The following CCDC178 variants were observed in gnomAD, a reference collection of about 807,000 sequenced individuals.
The protein encoded by CCDC178 is coiled-coil domain containing 178, also known as coiled-coil domain-containing protein 178.
Under a neutral mutation model 117.4 loss-of-function variants are expected in CCDC178, and 126 were observed. The observed-to-expected ratio is 1.07, with a 90% CI of 0.93 to 1.24. The LOEUF (loss-of-function observed/expected upper bound fraction) is 1.24, where lower values mean the gene tolerates loss of function less well. Ranked by LOEUF, CCDC178 falls within the 50% of genes most tolerant of loss-of-function variation. CCDC178 has a pLI of 0.00. For synonymous variants in CCDC178, 283 were observed against 313.4 expected, an observed-to-expected ratio of 0.90 and a Z score of 1.02; for missense variants, 1,030 against 986.9, an observed-to-expected ratio of 1.04 and a Z score of -0.59.
chr18:33,000,549 A>C (rs976561750), intron 21 of CCDC178, among the ~76,000 whole-genome samples: 9 of 152,180 alleles, frequency 5.9e-5, no homozygotes, highest in Non-Finnish European at 1.0e-4. Flanking sequence ...TAATAATCAA[A>C]CTTGAAGGCT....
chr18:33,247,329 A>G (rs2059562940), intron 14 of CCDC178, among the ~76,000 whole-genome samples: 4 of 151,944 alleles, frequency 2.6e-5, no homozygotes, highest in Admixed American at 2.6e-4. Context: ...ATCTAAGTAA[A>G]GAAATCACTG....
chr18:33,252,581 T>C lies in CCDC178; in HGVS notation c.1410-7153A>G, dbSNP rs2059629602. ...ACTTCTGTGAAGCAACTCAAATTAA[T>C]AGACTGGTAAGACATAGCTAAATGG... On this transcript the variant is annotated intron_variant, in intron 14 of 22. Coordinates refer to ENST00000383096, the MANE Select transcript of CCDC178 (RefSeq NM_001105528.4). Among the ~76,000 whole-genome samples the C allele has an allele frequency of 2.0e-5, 3 of 151,896 alleles. No individual in the cohort carries two copies. The South Asian group carries it at 6.2e-4, about 31-fold the overall frequency.
chr18:33,410,345 C>A (rs116357728), intron 3 of CCDC178, among the ~76,000 whole-genome samples: 2,503 of 152,198 alleles, frequency 0.016, 73 homozygotes, highest in African/African-American at 0.057. Context: ...AAATGAATAA[C>A]TTGTTCCATG....
intron 6 of CCDC178, among the ~76,000 whole-genome samples, chr18:33,360,241 C>T (rs1239308887): frequency 2.7e-5 from 4 of 150,390 alleles, no homozygotes; most frequent in African/African-American, 7.3e-5. Context: ...CTCAAAAGAA[C>T]TGAAAACAGG....
intron 20 of CCDC178, among the ~76,000 whole-genome samples, chr18:33,184,067 C>T (rs1310428295): frequency 1.3e-5 from 2 of 151,936 alleles, no homozygotes; most frequent in African/African-American, 4.8e-5. Context: ...TTATTCTCAG[C>T]TTAAGTTTGA....
intron 15 of CCDC178, among the ~76,000 whole-genome samples, chr18:33,227,530 G>GTA (rs201443197): frequency 9.3e-6 from 1 of 107,206 alleles, no homozygotes; most frequent in Non-Finnish European, 1.8e-5. Flanking sequence ...AAAGATATAT[G>GTA]TATGTGTGTG....
chr18:33,342,448 T>C (rs556118908), intron 9 of CCDC178, among the ~76,000 whole-genome samples: 2 of 152,300 alleles, frequency 1.3e-5, no homozygotes, highest in Admixed American at 1.3e-4. Flanking sequence ...GATTCTTGTT[T>C]TGGATGTGAT....
chr18:33,072,344 G>C lies in CCDC178; in HGVS notation c.2388+20417C>G, dbSNP rs181266248. 9.2e-5 allele frequency among the ~76,000 whole-genome samples: 14 copies of C among 152,262 alleles called. No individual in the cohort carries two copies. The East Asian group carries it at 2.3e-3, about 25-fold the overall frequency. On this transcript the variant is annotated intron_variant, in intron 21 of 22. Transcript: ENST00000383096. ...TTAGGAATAAAATAAATCGAAGAGA[G>C]TCCCCATAAGAAAAACTTGACAAAA...
chr18:33,301,743 T>C (rs2062179898), intron 11 of CCDC178, among the ~76,000 whole-genome samples: 2 of 152,222 alleles, frequency 1.3e-5, no homozygotes, highest in Non-Finnish European at 2.9e-5. Context: ...TTTGGAATAG[T>C]AATGTTTACC....
chr18:33,034,946 T>C (rs572271476), intron 21 of CCDC178, among the ~76,000 whole-genome samples: 1 of 152,144 alleles, frequency 6.6e-6, no homozygotes, highest in East Asian at 1.9e-4. Flanking sequence ...TTTATGTACA[T>C]TAATATAAAG....
intron 19 of CCDC178, among the ~76,000 whole-genome samples, chr18:33,215,292 T>A (rs1266798424): frequency 1.3e-5 from 2 of 151,994 alleles, no homozygotes; most frequent in Non-Finnish European, 2.9e-5. Context: ...TCATAAAGAA[T>A]AAAGTTCTCC....
intron 15 of CCDC178, among the ~76,000 whole-genome samples, chr18:33,240,886 T>C (rs892166735): frequency 6.6e-6 from 1 of 151,352 alleles, no homozygotes; most frequent in African/African-American, 2.4e-5. Context: ...CAAATACACA[T>C]GAGGAAAACA....
intron 5 of CCDC178, among the ~76,000 whole-genome samples, chr18:33,380,529 G>T (rs2063427269): frequency 2.6e-5 from 4 of 152,152 alleles, no homozygotes; most frequent in South Asian, 2.1e-4. Flanking sequence ...TAGCTCCAGG[G>T]CTTGGGGGAA....
chr18:33,222,204 C>A (rs2059243058), intron 18 of CCDC178, among the ~76,000 whole-genome samples: 1 of 151,386 alleles, frequency 6.6e-6, no homozygotes, highest in Non-Finnish European at 1.5e-5. Flanking sequence ...ATTTTGACTT[C>A]TTCCTTCCTT....
chr18:33,036,271 C>T (rs1836892874), intron 21 of CCDC178, among the ~76,000 whole-genome samples: 1 of 151,718 alleles, frequency 6.6e-6, no homozygotes, highest in South Asian at 2.1e-4. Flanking sequence ...TAAAAGTACT[C>T]ACAATTCCCC....
chr18:33,168,370 T>C (rs574034162), intron 20 of CCDC178, among the ~76,000 whole-genome samples: 1 of 152,258 alleles, frequency 6.6e-6, no homozygotes, highest in East Asian at 1.9e-4. Context: ...TTTTTGTCTA[T>C]TTTGTCGAAG....
At chr18:33,292,677 C>T (rs1424914046) in intron 12 of CCDC178, among the ~76,000 whole-genome samples, 1 of 151,876 alleles carries the variant, frequency 6.6e-6, no homozygotes, top group East Asian at 2.0e-4. Context: ...TACACTAGAC[C>T]CCTTATAAAA....
chr18:33,301,583 T>C (rs1297894829), intron 11 of CCDC178, among the ~76,000 whole-genome samples: 1 of 152,168 alleles, frequency 6.6e-6, no homozygotes, highest in African/African-American at 2.4e-5. Context: ...ACTGTCAAGG[T>C]CTTAAAAACT....
At chr18:33,232,830 A>G (rs2059382446) in intron 15 of CCDC178, among the ~76,000 whole-genome samples, 1 of 152,184 alleles carries the variant, frequency 6.6e-6, no homozygotes, top group South Asian at 2.1e-4. Context: ...TGGTAGAGTC[A>G]GTCTAACAAG....
Sources: allele counts gnomAD v4.1 joint callset (sites outside exome capture counted in the v4.1 genomes callset), GRCh38; gene constraint gnomAD v4.1.1; transcripts MANE v1.5; gene names NCBI Gene and HGNC (gene_info 2026-07-23, HGNC 2026-07-21).